Variants in FGF13 observed in about 807,000 individuals in gnomAD.
The protein encoded by FGF13 is fibroblast growth factor 13.
A neutral mutation model predicts 19.5 loss-of-function variants in FGF13; 2 were observed. The ratio of observed to expected loss-of-function variants is 0.10; its 90% CI spans 0.04 to 0.32. The LOEUF is 0.32. Ranked by LOEUF, FGF13 falls within the 10% of genes least tolerant of loss-of-function variation. FGF13 has a pLI of 1.00. For missense variants in FGF13, 113 were observed against 192.7 expected (o/e 0.59, Z 2.45); for synonymous variants, 72 against 76.9 (o/e 0.94, Z 0.33).
rs756515079 is a variant in FGF13 at position 138,720,989 on chromosome X, C to A, written c.29-12061G>T. On this transcript the variant is annotated intron_variant, in intron 1 of 4. Coordinates refer to the FGF13 transcript ENST00000305414. ...TTATTCCTTGCTTTAAAGAGATCGT[C>A]TTCTTTTTCCTACTGATCGCATTCA... Among the ~76,000 whole-genome samples the A allele has an allele frequency of 3.6e-5, 4 of 111,976 alleles. No homozygotes were observed. The Admixed American group carries it at 3.8e-4, about 11-fold the overall frequency.
chrX:139,097,410 G>A (rs1406928950), intron 1 of FGF13, among the ~76,000 whole-genome samples: 1 of 111,342 alleles, frequency 9.0e-6, no homozygotes, highest in Non-Finnish European at 1.9e-5. Flanking sequence ...GTGGCTCATG[G>A]CCCACAGGCT....
At chrX:138,854,768 A>G (rs2091247018), downstream of FGF13, among the ~76,000 whole-genome samples, 1 of 111,571 alleles carries the variant, frequency 9.0e-6, no homozygotes, top group Admixed American at 9.6e-5. Context: ...TAATCTCATT[A>G]GAAGAGGTTA....
chrX:139,089,289 T>TA (rs760737530), intron 1 of FGF13, among the ~76,000 whole-genome samples: 7 of 111,967 alleles, frequency 6.3e-5, no homozygotes, highest in Non-Finnish European at 9.4e-5. Context: ...TTTCAAAAGG[T>TA]AAATCAAAGT....
intron 1 of FGF13, among the ~76,000 whole-genome samples, chrX:139,098,735 G>A (rs1452252720): frequency 1.8e-5 from 2 of 111,310 alleles, no homozygotes; most frequent in African/African-American, 6.5e-5. Flanking sequence ...TCCAAAAGTA[G>A]GGGAGGAAGG....
chrX:138,896,141 G>A (rs1042668490), intron 1 of FGF13, among the ~76,000 whole-genome samples: 1 of 111,566 alleles, frequency 9.0e-6, no homozygotes, highest in Non-Finnish European at 1.9e-5. Flanking sequence ...ATTGCTAATA[G>A]TAAATTTCAA....
At chrX:139,015,833 A>G (rs2092150644) in intron 1 of FGF13, among the ~76,000 whole-genome samples, 1 of 112,062 alleles carries the variant, frequency 8.9e-6, no homozygotes, top group Non-Finnish European at 1.9e-5. Context: ...AGTAATCAAA[A>G]CAGCATGGTA....
intron 1 of FGF13, among the ~76,000 whole-genome samples, chrX:138,935,845 C>T (rs929580968): frequency 8.9e-6 from 1 of 111,830 alleles, no homozygotes; most frequent in Non-Finnish European, 1.9e-5. Flanking sequence ...TCAAGAATGT[C>T]GTAAAAATGT....
chrX:138,890,705 C>T (rs1407407450), intron 1 of FGF13, among the ~76,000 whole-genome samples: 5 of 111,767 alleles, frequency 4.5e-5, no homozygotes, highest in African/African-American at 1.6e-4. Flanking sequence ...TTTCAGTACC[C>T]TTACCATGTG....
At chrX:139,184,128 C>A (rs1209372294) in intron 1 of FGF13, among the ~76,000 whole-genome samples, 1 of 112,137 alleles carries the variant, frequency 8.9e-6, no homozygotes, top group African/African-American at 3.2e-5. Context: ...AACACCAAAG[C>A]AGGTATATCC....
chrX:139,069,772 C>T (rs974839168), intron 1 of FGF13, among the ~76,000 whole-genome samples: 5 of 111,508 alleles, frequency 4.5e-5, no homozygotes, highest in African/African-American at 1.3e-4. Context: ...GGTACTGGCA[C>T]GAAAACAGAA....
intron 3 of FGF13, among the ~76,000 whole-genome samples, chrX:138,835,603 G>A (rs1355827147): frequency 8.9e-6 from 1 of 111,782 alleles, no homozygotes; most frequent in African/African-American, 3.2e-5. Flanking sequence ...GGTCTTTGAT[G>A]TTTAGCTTGC....
exon 3 of FGF13, chrX:138,857,605 T>G (rs1037622241): frequency 8.3e-7 from 1 of 1,207,182 alleles, no homozygotes; most frequent in Non-Finnish European, 1.1e-6. Context: ...TCTTTTTTCT[T>G]TAATTCCGCA....
At chrX:138,790,850 G>A (rs760180060) in intron 3 of FGF13, among the ~76,000 whole-genome samples, 4 of 112,031 alleles carry the variant, frequency 3.6e-5, no homozygotes, top group Admixed American at 1.9e-4. Context: ...AAATTTACCT[G>A]TTAAGGCTAA....
intron 3 of FGF13, among the ~76,000 whole-genome samples, chrX:138,690,223 C>G (rs28444206): frequency 0.21 from 23,339 of 110,697 alleles, 2,035 homozygotes; most frequent in East Asian, 0.49. Context: ...CCTCATCACT[C>G]ATGAAAGTCA....
chrX:138,781,956 C>T (rs1212178558), intron 3 of FGF13, among the ~76,000 whole-genome samples: 1 of 111,844 alleles, frequency 8.9e-6, no homozygotes, highest in Admixed American at 9.5e-5. Context: ...AAAGCTTATC[C>T]ACCATGTTCA....
chrX:138,944,129 G>A (rs1246748430), intron 1 of FGF13, among the ~76,000 whole-genome samples: 1 of 111,268 alleles, frequency 9.0e-6, no homozygotes, highest in Non-Finnish European at 1.9e-5. Context: ...TGGGTGTGTA[G>A]AGAAAGAAGA....
chrX:138,941,901 G>A (rs2091760003), intron 1 of FGF13, among the ~76,000 whole-genome samples: 1 of 112,350 alleles, frequency 8.9e-6, no homozygotes, highest in African/African-American at 3.2e-5. Context: ...TAATCTGGAA[G>A]AGCACCAGAT....
At chrX:138,981,848 C>T (rs948809446) in intron 1 of FGF13, among the ~76,000 whole-genome samples, 14 of 111,080 alleles carry the variant, frequency 1.3e-4, no homozygotes, top group Non-Finnish European at 2.3e-4. Context: ...TCATCCAATT[C>T]CTTTGCTCTT....
intron 1 of FGF13, among the ~76,000 whole-genome samples, chrX:139,167,679 G>C (rs1052608051): frequency 3.6e-5 from 4 of 111,907 alleles, no homozygotes; most frequent in African/African-American, 1.3e-4. Flanking sequence ...AAAAGTCTCA[G>C]ATCACATAAG....
Sources: gnomAD v4.1 joint callset for allele counts (sites outside exome capture counted in the v4.1 genomes callset) on GRCh38, gnomAD v4.1.1 for gene constraint, MANE v1.5 for transcripts, NCBI Gene and HGNC (gene_info 2026-07-23, HGNC 2026-07-21) for gene names.